The following CENPW variants were observed in gnomAD, a reference collection of about 807,000 sequenced individuals.
CENPW encodes cancer-up-regulated gene 2 protein.
CENPW carries 3 observed loss-of-function variants against 11.1 expected under a neutral mutation model. The ratio of observed to expected loss-of-function variants is 0.27; its 90% CI spans 0.12 to 0.70. The LOEUF is 0.70. Among genes scored for constraint, CENPW ranks in the 30% least tolerant of loss-of-function variants. CENPW has a pLI of 0.77. For synonymous variants in CENPW, 38 were observed against 42.0 expected, an observed-to-expected ratio of 0.91 and a Z score of 0.37; for missense variants, 100 against 105.6, an observed-to-expected ratio of 0.95 and a Z score of 0.23.
the CENPW span, among the ~76,000 whole-genome samples, chr6:126,389,402 C>A: frequency 1.8e-4 from 27 of 151,976 alleles, no homozygotes; most frequent in African/African-American, 6.5e-4. Flanking sequence ...GCACTGATTT[C>A]TCCCAAACAT....
the CENPW span, among the ~76,000 whole-genome samples, chr6:126,377,947 G>A: frequency 1.3e-5 from 2 of 152,126 alleles, no homozygotes; most frequent in Admixed American, 6.6e-5. Flanking sequence ...TATTGCCCAA[G>A]TTACACATGA....
At chr6:126,443,372 T>C in the CENPW span, among the ~76,000 whole-genome samples, 1 of 151,218 alleles carries the variant, frequency 6.6e-6, no homozygotes, top group African/African-American at 2.4e-5. Context: ...AGTTATTCAA[T>C]ATGTTCTTCT....
At chr6:126,382,192 G>A in the CENPW span, among the ~76,000 whole-genome samples, 183 of 151,996 alleles carry the variant, frequency 1.2e-3, 1 homozygote, top group African/African-American at 4.1e-3. Context: ...AGCCGAGATC[G>A]CACCATTGCA....
At chr6:126,412,073 T>TTC in the CENPW span, among the ~76,000 whole-genome samples, 5 of 112,246 alleles carry the variant, frequency 4.5e-5, no homozygotes, top group Non-Finnish European at 5.7e-5. Context: ...CCTCCCTCCT[T>TTC]TCTCTCTCTC....
chr6:126,422,085 TAAG>T, the CENPW span, among the ~76,000 whole-genome samples: 23 of 152,118 alleles, frequency 1.5e-4, no homozygotes, highest in Non-Finnish European at 2.9e-4. Flanking sequence ...GTGTTAGCTT[TAAG>T]AAGGACTGTA....
At chr6:126,462,380 G>C in the CENPW span, among the ~76,000 whole-genome samples, 52 of 150,940 alleles carry the variant, frequency 3.4e-4, no homozygotes, top group Non-Finnish European at 3.8e-4. Flanking sequence ...TTAGTGATTT[G>C]GTTTAGATTC....
At chr6:126,404,694 A>G in the CENPW span, among the ~76,000 whole-genome samples, 1 of 152,056 alleles carries the variant, frequency 6.6e-6, no homozygotes, top group Non-Finnish European at 1.5e-5. Flanking sequence ...CCTTTTGATA[A>G]TAGCCGTTAT....
At chr6:126,399,541 C>T in the CENPW span, among the ~76,000 whole-genome samples, 3 of 151,956 alleles carry the variant, frequency 2.0e-5, no homozygotes, top group African/African-American at 7.3e-5. Context: ...CTTAAATATA[C>T]ACAATTTTTT....
chr6:126,461,345 A>C, the CENPW span, among the ~76,000 whole-genome samples: 3 of 151,876 alleles, frequency 2.0e-5, no homozygotes, highest in South Asian at 6.2e-4. Context: ...TAAATTGCTC[A>C]CTCTCAGGGA....
the CENPW span, among the ~76,000 whole-genome samples, chr6:126,392,803 GTCTCATAGA>G: frequency 5.7e-4 from 86 of 152,032 alleles, no homozygotes; most frequent in African/African-American, 2.0e-3. Context: ...GGTAATACTG[GTCTCATAGA>G]ATGAGTTTGG....
At chr6:126,415,802 C>T in the CENPW span, among the ~76,000 whole-genome samples, 1 of 152,220 alleles carries the variant, frequency 6.6e-6, no homozygotes, top group Admixed American at 6.5e-5. Flanking sequence ...GAGGCCTCCC[C>T]AGCCATGTAG....
At chr6:126,453,605 C>T in the CENPW span, among the ~76,000 whole-genome samples, 1 of 151,192 alleles carries the variant, frequency 6.6e-6, no homozygotes, top group Non-Finnish European at 1.5e-5. Context: ...CAAAAACACA[C>T]TTAAGTACAT....
the CENPW span, among the ~76,000 whole-genome samples, chr6:126,473,776 A>G: frequency 6.7e-6 from 1 of 150,158 alleles, no homozygotes; most frequent in South Asian, 2.1e-4. Context: ...ATATATATGC[A>G]CAGCATAGAT....
At chr6:126,446,188 C>T in the CENPW span, among the ~76,000 whole-genome samples, 1 of 151,022 alleles carries the variant, frequency 6.6e-6, no homozygotes. Flanking sequence ...TAAACTGAGA[C>T]AAATGTCCTT....
At chr6:126,399,923 T>A in the CENPW span, among the ~76,000 whole-genome samples, 1 of 152,106 alleles carries the variant, frequency 6.6e-6, no homozygotes, top group Non-Finnish European at 1.5e-5. Flanking sequence ...AAAGTATTAC[T>A]ATTTTATCTA....
the CENPW span, among the ~76,000 whole-genome samples, chr6:126,401,207 G>C: frequency 6.6e-6 from 1 of 152,044 alleles, no homozygotes; most frequent in Non-Finnish European, 1.5e-5. Flanking sequence ...GCCAGCAATT[G>C]AGCTTGGTTT....
chr6:126,346,965 A>AT (rs1780423712), intron 2 of CENPW, among the ~76,000 whole-genome samples: 1 of 152,186 alleles, frequency 6.6e-6, no homozygotes, highest in Non-Finnish European at 1.5e-5. Context: ...AGGAAAAAAA[A>AT]ATCTCTTATA....
At chr6:126,389,347 G>A in the CENPW span, among the ~76,000 whole-genome samples, 6 of 151,838 alleles carry the variant, frequency 4.0e-5, no homozygotes, top group African/African-American at 9.7e-5. Context: ...AATAGGAAAC[G>A]TTTCCAAAGG....
the CENPW span, among the ~76,000 whole-genome samples, chr6:126,477,396 G>GT: frequency 6.6e-6 from 1 of 151,832 alleles, no homozygotes; most frequent in African/African-American, 2.4e-5. Context: ...ATTCTAACAG[G>GT]TTTTTTTAAT....
Sources: allele counts gnomAD v4.1 joint callset (sites outside exome capture counted in the v4.1 genomes callset), GRCh38; gene constraint gnomAD v4.1.1; transcripts MANE v1.5; gene names NCBI Gene and HGNC (gene_info 2026-07-23, HGNC 2026-07-21).